BBS1: variants seen among roughly 807,000 people sequenced by gnomAD.
The protein encoded by BBS1 is BBSome complex member BBS1.
A neutral mutation model predicts 73.9 loss-of-function variants in BBS1; 60 were observed. That is an observed-to-expected ratio of 0.81 (90% CI 0.66 to 1.01). BBS1 has a LOEUF of 1.01. BBS1 is among the 50% of genes least tolerant of loss of function. The pLI is 0.00. For synonymous variants in BBS1, 283 were observed against 317.4 expected (o/e 0.89, Z 1.15); for missense variants, 718 against 770.3 (o/e 0.93, Z 0.80).
intron 11 of BBS1, 24 bp from the exon 12 acceptor site, chr11:66,526,099 C>CTA (rs758457691): frequency 3.7e-6 from 6 of 1,613,508 alleles, no homozygotes; most frequent in Non-Finnish European, 5.1e-6. Flanking sequence ...ATTTCCCCAA[C>CTA]TAAACTCTGA....
At chr11:66,527,223 G>C (rs370904008) in intron 13 of BBS1, among the ~76,000 whole-genome samples, 1 of 149,946 alleles carries the variant, frequency 6.7e-6, no homozygotes, top group Non-Finnish European at 1.5e-5. Context: ...AAAAAAAAGA[G>C]AGAGAGAGAA....
chr11:66,523,926 T>C, intron 11 of BBS1, 44 bp downstream of exon 11: 1 of 1,608,866 alleles, frequency 6.2e-7, no homozygotes. Context: ...CTCCTTGCCC[T>C]CGTCTCACCT....
At chr11:66,524,293 ATGTGT>A in intron 11 of BBS1, 1 of 331,082 alleles carries the variant, frequency 3.0e-6, no homozygotes. Context: ...AAAAAAAAAA[ATGTGT>A]TGAGCACCTC....
intron 8 of BBS1, chr11:66,520,027 G>A: frequency 5.4e-6 from 2 of 369,728 alleles, no homozygotes; most frequent in Non-Finnish European, 1.0e-5. Flanking sequence ...GGGTGTGGTG[G>A]CCCATGCCTC....
chr11:66,533,555 T>C lies in BBS1; in HGVS notation c.*1518T>C, dbSNP rs1312518250. 6.6e-6 allele frequency: 1 copy of C among 152,268 alleles called. No individual in the cohort carries two copies. Among genetic ancestry groups the C allele is most frequent in the African/African-American group, 2.4e-5 (1 of 41,476 alleles). The allele number at this position is 152,268 out of a possible 1,614,324, so 9.4% of individuals were successfully genotyped here. A position where few individuals can be genotyped will look rare whatever the true frequency, so the allele number is the denominator to read the frequency against. Reference sequence around the variant, plus strand: ...TTTCTATTACTATGTGAAAGTTAACTGCGGAGCCAAGAGTTGGACTATAAT... The same window carrying C: ...TTTCTATTACTATGTGAAAGTTAACCGCGGAGCCAAGAGTTGGACTATAAT... On this transcript the variant is annotated 3_prime_UTR_variant, in exon 17 of 17. Coordinates refer to ENST00000318312, the MANE Select transcript of BBS1 (RefSeq NM_024649.5).
chr11:66,523,678 A>G (rs767925430), intron 10 of BBS1, 46 bp from the exon 11 acceptor site: 1 of 1,610,008 alleles, frequency 6.2e-7, no homozygotes, highest in Non-Finnish European at 8.5e-7. Flanking sequence ...CGTTCTTTCC[A>G]CTGTAAGCCC....
rs3816492 is a variant in BBS1 at position 66,529,892 on chromosome 11, C to A, written c.1413C>A (p.Leu471=). Residue 471 remains leucine, a synonymous_variant, in exon 14 of 17, where the codon CTC becomes CTA. Coordinates refer to ENST00000318312, the MANE Select transcript of BBS1 (RefSeq NM_024649.5). ...CTGCCCGCGCCTACCTGCAGGCCCT[C>A]GAGTCCAGCCTGAGCCCCCTGTCCA... ...LRAARAYLQA[L]ESSLSPLSTT... 6.2e-7 allele frequency: 1 copy of A among 1,608,024 alleles called. No homozygotes were observed. The highest frequency in any genetic ancestry group is 2.2e-5 in the East Asian group (1 of 44,840).
intron 3 of BBS1, among the ~76,000 whole-genome samples, chr11:66,512,001 A>T (rs926506116): frequency 3.3e-4 from 45 of 138,294 alleles, no homozygotes; most frequent in Middle Eastern, 3.6e-3. Flanking sequence ...GTTTCAAAAA[A>T]AAATATATAT....
chr11:66,526,407 C>T (rs1225777434), intron 12 of BBS1, among the ~76,000 whole-genome samples: 3 of 152,206 alleles, frequency 2.0e-5, no homozygotes, highest in African/African-American at 7.2e-5. Context: ...CACCCAGCAT[C>T]CCCAGTGCCT....
chr11:66,511,052 C>T lies in BBS1; in HGVS notation c.87C>T (p.Asp29=). Residue 29 remains aspartate (D), a synonymous_variant, in exon 2 of 17, where the codon GAC becomes GAT. Transcript: ENST00000318312. Reference sequence around the variant, plus strand: ...CGAAGTGGTTGGATGCGCACTACGACCCAATGGCCAATATCCACACCTTTT... The same window carrying T: ...CGAAGTGGTTGGATGCGCACTACGATCCAATGGCCAATATCCACACCTTTT... The part of the protein sequence containing the change: ...ANSKWLDAHY[D]PMANIHTFSA... 2 of 1,614,184 alleles carry T rather than the reference C, an allele frequency of 1.2e-6. No homozygotes were observed. The highest frequency in any genetic ancestry group is 8.5e-7 in the Non-Finnish European group (1 of 1,180,042).
At chr11:66,531,137 C>T in intron 15 of BBS1, 109 bp downstream of exon 15, 1 of 1,458,696 alleles carries the variant, frequency 6.9e-7, no homozygotes, top group Non-Finnish European at 9.4e-7. Flanking sequence ...CGGGTGGCTG[C>T]CAGGTGGCCA....
chr11:66,521,429 G>T (rs1856212407), intron 9 of BBS1, 53 bp downstream of exon 9: 2 of 1,389,186 alleles, frequency 1.4e-6, no homozygotes, highest in South Asian at 2.3e-5. Flanking sequence ...GAAAACTGGT[G>T]GCTTCAGAGG....
intron 13 of BBS1, chr11:66,529,177 G>T: frequency 6.9e-7 from 1 of 1,450,990 alleles, no homozygotes; most frequent in Non-Finnish European, 9.1e-7. Flanking sequence ...TCTGGAAGAG[G>T]AGGGACAGTG....
In BBS1 at chr11:66,514,498, T is replaced by C. The variant is rs1856008907; in HGVS notation, c.252T>C (p.Ala84=). 1 of 1,614,058 alleles carries C rather than the reference T, an allele frequency of 6.2e-7. No homozygotes were observed. Among genetic ancestry groups the C allele is most frequent in the Non-Finnish European group, 8.5e-7 (1 of 1,180,026 alleles). The change falls in exon 4 of 17, where the codon GCT becomes GCC. Residue 84 remains alanine (A), a synonymous_variant. Transcript: ENST00000318312. ...TGATGACCGAAAGCCCGCTACCTGCTCTGCCAGCTGCTGCTGCCACCTTCC... is the reference window on the plus strand; with the variant it reads ...TGATGACCGAAAGCCCGCTACCTGCCCTGCCAGCTGCTGCTGCCACCTTCC... ...PLVMTESPLP[A]LPAAAATFLM...
At chr11:66,517,324 T>C (rs918930367) in intron 7 of BBS1, among the ~76,000 whole-genome samples, 1 of 151,982 alleles carries the variant, frequency 6.6e-6, no homozygotes, top group African/African-American at 2.4e-5. Flanking sequence ...AAAAGAAACA[T>C]GTGCCCACTG....
At chr11:66,523,418 T>A (rs764886049) in intron 9 of BBS1, 38 bp from the exon 10 acceptor site, 1 of 1,614,034 alleles carries the variant, frequency 6.2e-7, no homozygotes. Context: ...GTGGAGAGGA[T>A]TTCTCTGGGG....
At chr11:66,520,932 T>C (rs1856188490) in intron 8 of BBS1, 1 of 369,206 alleles carries the variant, frequency 2.7e-6, no homozygotes, top group African/African-American at 2.1e-5. Context: ...TTGGACAGGC[T>C]GGTCTTGAAC....
chr11:66,512,222 A>G (rs1195215600), intron 3 of BBS1, among the ~76,000 whole-genome samples: 2 of 152,044 alleles, frequency 1.3e-5, no homozygotes, highest in African/African-American at 4.8e-5. Flanking sequence ...GCACATAAAC[A>G]TGGATTTTAT....
At chr11:66,513,872 A>G (rs1855997284) in intron 3 of BBS1, among the ~76,000 whole-genome samples, 1 of 152,174 alleles carries the variant, frequency 6.6e-6, no homozygotes, top group Non-Finnish European at 1.5e-5. Flanking sequence ...GGCCTCATTC[A>G]GGGAAATGGG....
Sources: allele counts gnomAD v4.1 joint callset (sites outside exome capture counted in the v4.1 genomes callset), GRCh38; gene constraint gnomAD v4.1.1; transcripts MANE v1.5; gene names NCBI Gene and HGNC (gene_info 2026-07-23, HGNC 2026-07-21).